Variants in MFHAS1 observed in about 807,000 individuals in gnomAD.
MFHAS1 encodes the protein malignant fibrous histiocytoma-amplified sequence 1.
In MFHAS1, 50 loss-of-function variants were observed where a neutral mutation model predicts 70.4. The observed-to-expected ratio is 0.71, with a 90% CI of 0.57 to 0.90. The LOEUF is 0.90. Among genes scored for constraint, MFHAS1 ranks in the 40% least tolerant of loss-of-function variants. The pLI, the probability that MFHAS1 is intolerant of heterozygous loss-of-function variation, is 0.00. For synonymous variants in MFHAS1, 952 were observed against 620.0 expected, an observed-to-expected ratio of 1.54 and a Z score of -7.96; for missense variants, 1,795 against 1,347.6, an observed-to-expected ratio of 1.33 and a Z score of -5.20.
At position 8,892,836 on chromosome 8, in the gene MFHAS1, G is replaced by A. The variant is rs766668978; in HGVS notation, c.223C>T (p.Leu75=). ...IEALNLGNNG[L]EEVPEGLGSA... is the part of the protein sequence containing the mutation. ...CCCAGCCCCTCGGGTACCTCCTCCA[G>A]GCCGTTGTTCCCCAGGTTCAGTGCC... Residue 75 remains leucine (L), a synonymous_variant, in exon 1 of 3, where the codon CTG becomes TTG. Transcript: ENST00000276282. This position sits in a 1 kb window ranked among gnomAD's most constrained non-coding sequence, Gnocchi z 4.7. 1 of 1,596,410 alleles carries A rather than the reference G, an allele frequency of 6.3e-7. No homozygotes were observed. Among genetic ancestry groups the A allele is most frequent in the South Asian group, 1.1e-5 (1 of 88,580 alleles).
chr8:8,866,326 T>G (rs1282010876), intron 1 of MFHAS1, among the ~76,000 whole-genome samples: 1 of 151,676 alleles, frequency 6.6e-6, no homozygotes, highest in East Asian at 1.9e-4. Flanking sequence ...TTGTTTTTTT[T>G]TTTTTCTTTT....
At chr8:8,803,551 A>G (rs1806160161) in intron 1 of MFHAS1, among the ~76,000 whole-genome samples, 2 of 151,418 alleles carry the variant, frequency 1.3e-5, no homozygotes, top group Non-Finnish European at 2.9e-5. Context: ...AGAAAACTAA[A>G]TTCCATCTGT....
At chr8:8,824,623 G>A (rs1317123614) in intron 1 of MFHAS1, among the ~76,000 whole-genome samples, 1 of 151,414 alleles carries the variant, frequency 6.6e-6, no homozygotes, top group Non-Finnish European at 1.5e-5. Flanking sequence ...CTATAAGAAG[G>A]TCACTCATGT....
chr8:8,871,731 G>C (rs565619443), intron 1 of MFHAS1, among the ~76,000 whole-genome samples: 1 of 152,300 alleles, frequency 6.6e-6, no homozygotes, highest in East Asian at 1.9e-4. Flanking sequence ...CCAGGCCCCC[G>C]ACTTCCTAAT....
At chr8:8,824,590 A>C (rs1807088217) in intron 1 of MFHAS1, among the ~76,000 whole-genome samples, 1 of 151,932 alleles carries the variant, frequency 6.6e-6, no homozygotes, top group Non-Finnish European at 1.5e-5. Flanking sequence ...CCATCAGAAG[A>C]AGAAAATGAT....
intron 1 of MFHAS1, among the ~76,000 whole-genome samples, chr8:8,813,917 C>A (rs903072870): frequency 6.6e-6 from 1 of 151,758 alleles, no homozygotes; most frequent in African/African-American, 2.4e-5. Context: ...GTGCCCTACA[C>A]AGGTGTATAC....
chr8:8,883,123 A>G (rs1809593812), intron 1 of MFHAS1, among the ~76,000 whole-genome samples: 1 of 152,164 alleles, frequency 6.6e-6, no homozygotes, highest in Non-Finnish European at 1.5e-5. Context: ...ACTGCACTCC[A>G]GCCTGGGCGC....
intron 1 of MFHAS1, among the ~76,000 whole-genome samples, chr8:8,815,318 G>A (rs889773167): frequency 5.3e-5 from 8 of 152,198 alleles, no homozygotes; most frequent in Non-Finnish European, 1.2e-4. Context: ...ATAGTGCTGC[G>A]ATGAACATAC....
At chr8:8,787,249 T>G (rs1805581351) in intron 2 of MFHAS1, among the ~76,000 whole-genome samples, 1 of 151,964 alleles carries the variant, frequency 6.6e-6, no homozygotes, top group African/African-American at 2.4e-5. Flanking sequence ...CGCGGCTAAT[T>G]TTTTGCATTT....
intron 1 of MFHAS1, among the ~76,000 whole-genome samples, chr8:8,885,130 A>T (rs914803129): frequency 2.9e-4 from 44 of 152,310 alleles, no homozygotes; most frequent in African/African-American, 9.1e-4. Flanking sequence ...AAACAAGTCA[A>T]ATATGCTGTG....
Position 8,890,330 on chromosome 8 carries a change from G to C in MFHAS1, c.2729C>G (p.Ser910Trp), listed in dbSNP as rs760378998. Residue 910 changes from serine (S) to tryptophan (W), a missense_variant, in exon 1 of 3, where the codon TCG (serine) becomes TGG (tryptophan). By Grantham distance (177) the Ser-to-Trp change is radical (BLOSUM62 -3). Transcript: ENST00000276282. Reference protein sequence around the residue: ...VQINSHVVHRSDGKFQIFAYR... With the variant: ...VQINSHVVHRWDGKFQIFAYR... ...GGCAAAGATCTGAAATTTACCATCC[G>C]ACCTGTGCACCACATGGCTGTTGAT... 1 of 1,614,034 alleles carries C rather than the reference G, an allele frequency of 6.2e-7. No homozygotes were observed. The highest frequency in any genetic ancestry group is 1.3e-5 in the African/African-American group (1 of 74,922).
At chr8:8,801,620 GCTAT>G (rs1205087204) in intron 1 of MFHAS1, among the ~76,000 whole-genome samples, 2 of 152,214 alleles carry the variant, frequency 1.3e-5, no homozygotes, top group Non-Finnish European at 2.9e-5. Flanking sequence ...TTATTTGTGT[GCTAT>G]CTAGCAAAAC....
intron 1 of MFHAS1, among the ~76,000 whole-genome samples, chr8:8,841,917 G>C (rs757730214): frequency 1.3e-5 from 2 of 152,174 alleles, no homozygotes; most frequent in Non-Finnish European, 2.9e-5. Flanking sequence ...TAAAGAAAGA[G>C]GGATGTGTGT....
At chr8:8,853,466 TAA>T (rs58475480) in intron 1 of MFHAS1, among the ~76,000 whole-genome samples, 24,142 of 119,936 alleles carry the variant, frequency 0.2, 2,241 homozygotes, top group African/African-American at 0.23. Flanking sequence ...TGCTCATTCT[TAA>T]AAAAAAAAAA....
rs540060653 is a variant in MFHAS1, at chr8:8,785,049, A to G, written c.*973T>C. The G allele has an allele frequency of 6.6e-6, 1 of 152,278 alleles. No homozygotes were observed. The highest frequency in any genetic ancestry group is 1.5e-5 in the Non-Finnish European group (1 of 68,018). The allele number at this position is 152,278 out of a possible 1,614,324, so 9.4% of individuals were successfully genotyped here. On this transcript the variant is annotated 3_prime_UTR_variant, in exon 3 of 3. Transcript: ENST00000276282. The stretch of plus-strand genomic sequence containing the variant: ...CTACAAAGAGCTCTGCTAATAAGTA[A>G]TATGTTTGCAAAGTGCTCTGCTAAG...
intron 2 of MFHAS1, among the ~76,000 whole-genome samples, chr8:8,796,541 G>T (rs559151754): frequency 6.7e-6 from 1 of 149,340 alleles, no homozygotes; most frequent in African/African-American, 2.5e-5. Context: ...AAAATTAGCC[G>T]GGCGCGGTGG....
intron 1 of MFHAS1, among the ~76,000 whole-genome samples, chr8:8,859,704 T>C (rs1045984505): frequency 6.6e-6 from 1 of 152,230 alleles, no homozygotes; most frequent in East Asian, 1.9e-4. Context: ...GTTTACTATA[T>C]TGTAAGAATA....
chr8:8,891,487 C>G lies in MFHAS1; in HGVS notation c.1572G>C (p.Gly524=). The G allele has an allele frequency of 6.2e-7, 1 of 1,613,044 alleles. No individual in the cohort carries two copies. The highest frequency in any genetic ancestry group is 8.5e-7 in the Non-Finnish European group (1 of 1,180,010). The change falls in exon 1 of 3, where the codon GGG becomes GGC. Residue 524 remains glycine, a synonymous_variant. Transcript: ENST00000276282. The surrounding 1 kb of genome is among the most constrained non-coding windows in gnomAD (Gnocchi z 5.4). ...ACACCACCGCGTGGGGCACTCTCGC[C>G]CCGACCCGATGCAAGAAGGAGCCCA... The part of the protein sequence containing the change: ...TTVGSFLHRV[G]ARVPHAVVCI...
intron 1 of MFHAS1, among the ~76,000 whole-genome samples, chr8:8,883,647 G>A (rs2116934225): frequency 7.3e-6 from 1 of 136,738 alleles, no homozygotes; most frequent in Non-Finnish European, 1.5e-5. Context: ...GGTGGAGGTT[G>A]CAATGAGCTC....
Sources: gnomAD v4.1 joint callset for allele counts (sites outside exome capture counted in the v4.1 genomes callset) on GRCh38, gnomAD v4.1.1 for gene constraint, Gnocchi (gnomAD v3.1) non-coding constraint, MANE v1.5 for transcripts, NCBI Gene and HGNC (gene_info 2026-07-23, HGNC 2026-07-21) for gene names.